Variants in CNTNAP2 observed in about 807,000 individuals in gnomAD.
CNTNAP2 encodes contactin-associated protein-like 2.
Under a neutral mutation model 155.2 loss-of-function variants are expected in CNTNAP2, and 98 were observed. That is an observed-to-expected ratio of 0.63 (90% CI 0.54 to 0.75). The LOEUF (loss-of-function observed/expected upper bound fraction) is 0.75, where lower values mean the gene tolerates loss of function less well. CNTNAP2 is among the 30% of genes least tolerant of loss of function. The probability of loss-of-function intolerance (pLI) is 0.00; values close to 1 mark genes in which losing one functional copy is unlikely to be tolerated. For missense variants in CNTNAP2, 1,727 were observed against 1,688.1 expected (o/e 1.02, Z -0.40); for synonymous variants, 651 against 631.2 (o/e 1.03, Z -0.47).
intron 10 of CNTNAP2, among the ~76,000 whole-genome samples, chr7:147,452,545 T>G (rs1390395234): frequency 1.3e-5 from 2 of 152,176 alleles, no homozygotes; most frequent in African/African-American, 4.8e-5. Flanking sequence ...ATCAGCCTGG[T>G]GTAGTACTAA....
intron 15 of CNTNAP2, among the ~76,000 whole-genome samples, chr7:148,017,217 C>A (rs1292246285): frequency 6.6e-6 from 1 of 152,168 alleles, no homozygotes; most frequent in Non-Finnish European, 1.5e-5. Context: ...TCCCTGAACA[C>A]CTAAATCCTT....
chr7:148,137,397 C>T (rs560005081), intron 16 of CNTNAP2, among the ~76,000 whole-genome samples: 8 of 152,284 alleles, frequency 5.3e-5, no homozygotes, highest in East Asian at 1.9e-4. Context: ...CAGTGGCTCA[C>T]GCCTGTAATC....
intron 9 of CNTNAP2, among the ~76,000 whole-genome samples, chr7:147,391,586 A>T (rs954338492): frequency 6.6e-6 from 1 of 152,204 alleles, no homozygotes; most frequent in Non-Finnish European, 1.5e-5. Context: ...TTATATAAAG[A>T]TAAGCTCCCC....
chr7:147,724,985 A>G (rs898280001), intron 13 of CNTNAP2, among the ~76,000 whole-genome samples: 2 of 152,012 alleles, frequency 1.3e-5, no homozygotes, highest in Non-Finnish European at 2.9e-5. Flanking sequence ...GATGAAGTCA[A>G]AGGGACGGCC....
chr7:148,383,679 A>G lies in CNTNAP2; in HGVS notation c.3506A>G (p.Lys1169Arg). 1 of 1,614,218 alleles carries G rather than the reference A, an allele frequency of 6.2e-7. No homozygotes were observed. The highest frequency in any genetic ancestry group is 8.5e-7 in the Non-Finnish European group (1 of 1,180,044). ...GGGAAAATTGACCAAGAGATTCACAAATACAACACCCCAGGATTCACTGGT... is the reference window on the plus strand; with the variant it reads ...GGGAAAATTGACCAAGAGATTCACAGATACAACACCCCAGGATTCACTGGT... ...ETGKIDQEIH[K>R]YNTPGFTGCL... The change falls in exon 22 of 24, where the codon AAA becomes AGA. Residue 1169 changes from lysine (K) to arginine (R), a missense_variant. Coordinates refer to ENST00000361727, the MANE Select transcript of CNTNAP2 (RefSeq NM_014141.6).
intron 15 of CNTNAP2, among the ~76,000 whole-genome samples, chr7:148,065,870 A>G (rs979449736): frequency 6.6e-6 from 1 of 152,054 alleles, no homozygotes; most frequent in Non-Finnish European, 1.5e-5. Context: ...GTGTTATTGT[A>G]TTGTATGCCC....
At chr7:146,206,258 ATAAT>A (rs1331048147) in intron 1 of CNTNAP2, among the ~76,000 whole-genome samples, 1 of 152,078 alleles carries the variant, frequency 6.6e-6, no homozygotes, top group African/African-American at 2.4e-5. Context: ...AGAAATTGTA[ATAAT>A]TAATCATTGG....
intron 23 of CNTNAP2, 55 bp from the exon 24 acceptor site, chr7:148,415,362 T>C (rs1799957317): frequency 2.5e-6 from 4 of 1,584,772 alleles, no homozygotes; most frequent in African/African-American, 1.3e-5. Context: ...GGGGACAGTG[T>C]TGGAGGGACT....
chr7:146,902,588 C>A (rs180760619), intron 3 of CNTNAP2, among the ~76,000 whole-genome samples: 1 of 152,284 alleles, frequency 6.6e-6, no homozygotes, highest in East Asian at 1.9e-4. Flanking sequence ...AGGACAACCA[C>A]CTGTGGCTTT....
rs570421340 is a variant in CNTNAP2, at chr7:147,990,791, T to G, written c.2383+12802T>G. 5.3e-5 allele frequency among the ~76,000 whole-genome samples: 8 copies of G among 152,282 alleles called. No homozygotes were observed. In the South Asian group the frequency reaches 1.2e-3, roughly 24 times the overall value. On this transcript the variant is annotated intron_variant, in intron 15 of 23. Transcript: ENST00000361727. ...AGTGTGCATCACCAACCAGTGACGC[T>G]CACCCAGGCTTTGGGTGTTCAATGA...
chr7:147,410,026 C>T (rs751285973), intron 10 of CNTNAP2, among the ~76,000 whole-genome samples: 2 of 152,140 alleles, frequency 1.3e-5, no homozygotes, highest in Admixed American at 1.3e-4. Flanking sequence ...ACAGAAATAC[C>T]GTTTGATTCA....
intron 1 of CNTNAP2, among the ~76,000 whole-genome samples, chr7:146,704,032 C>T (rs1800921555): frequency 6.6e-6 from 1 of 151,908 alleles, no homozygotes; most frequent in Admixed American, 6.6e-5. Flanking sequence ...TGATTGTTAC[C>T]TGTGTTGTAT....
At chr7:146,897,343 G>A (rs1795898792) in intron 3 of CNTNAP2, among the ~76,000 whole-genome samples, 1 of 152,090 alleles carries the variant, frequency 6.6e-6, no homozygotes, top group Non-Finnish European at 1.5e-5. Context: ...GAACTTGGAG[G>A]CCAGCATATT....
intron 13 of CNTNAP2, among the ~76,000 whole-genome samples, chr7:147,872,316 A>G (rs1025028684): frequency 6.6e-6 from 1 of 152,198 alleles, no homozygotes; most frequent in Non-Finnish European, 1.5e-5. Flanking sequence ...CACAAGCACC[A>G]ATTTCAGGGA....
intron 1 of CNTNAP2, among the ~76,000 whole-genome samples, chr7:146,338,777 C>T (rs1160361672): frequency 1.3e-5 from 2 of 151,960 alleles, no homozygotes; most frequent in South Asian, 2.1e-4. Flanking sequence ...TTAATGTGGT[C>T]AGAATTAAGT....
At chr7:146,232,560 G>A (rs1207631097) in intron 1 of CNTNAP2, among the ~76,000 whole-genome samples, 1 of 151,944 alleles carries the variant, frequency 6.6e-6, no homozygotes, top group East Asian at 1.9e-4. Flanking sequence ...TAGCCTATAA[G>A]AATCTATTGT....
intron 1 of CNTNAP2, among the ~76,000 whole-genome samples, chr7:146,389,379 C>G (rs895881951): frequency 6.6e-6 from 1 of 151,968 alleles, no homozygotes; most frequent in East Asian, 1.9e-4. Context: ...TTTTCTTCTT[C>G]TTATCTCTAC....
chr7:147,053,407 A>C (rs1035275170), intron 4 of CNTNAP2, among the ~76,000 whole-genome samples: 14 of 152,148 alleles, frequency 9.2e-5, no homozygotes, highest in African/African-American at 3.4e-4. Context: ...GTGAGAGAAC[A>C]TGGTGAGCCT....
intron 1 of CNTNAP2, among the ~76,000 whole-genome samples, chr7:146,214,548 C>A (rs1025609847): frequency 6.6e-5 from 10 of 152,176 alleles, no homozygotes; most frequent in African/African-American, 2.4e-4. Flanking sequence ...TATGACTTAG[C>A]AGTACAGAAT....
Sources: gnomAD v4.1 joint callset for allele counts (sites outside exome capture counted in the v4.1 genomes callset) on GRCh38, gnomAD v4.1.1 for gene constraint, MANE v1.5 for transcripts, NCBI Gene and HGNC (gene_info 2026-07-23, HGNC 2026-07-21) for gene names.